Variants in SMARCC2 observed in about 807,000 individuals in gnomAD.
The protein encoded by SMARCC2 is SWI/SNF related BAF chromatin remodeling complex subunit C2.
SMARCC2 carries 15 observed loss-of-function variants against 151.3 expected under a neutral mutation model. The observed-to-expected ratio is 0.10, with a 90% CI of 0.07 to 0.15. SMARCC2 has a LOEUF of 0.15. Among genes scored for constraint, SMARCC2 ranks in the 10% least tolerant of loss-of-function variants. SMARCC2 has a pLI of 1.00. For synonymous variants in SMARCC2, 590 were observed against 609.5 expected (o/e 0.97, Z 0.47); for missense variants, 1,031 against 1,599.7 (o/e 0.64, Z 6.06).
chr12:56,163,058 C>G lies in SMARCC2; in HGVS notation c.*631G>C, dbSNP rs946530187. ...TTGGCTGAGCTGGGGTGGCCTAAAA[C>G]AGCAACAATGAGGAAGCCGCAGGAG... On this transcript the variant is annotated 3_prime_UTR_variant, in exon 29 of 29. Coordinates refer to ENST00000550164, the MANE Select transcript of SMARCC2 (RefSeq NM_001330288.2). The G allele has an allele frequency of 2.0e-5, 3 of 152,026 alleles. No individual in the cohort carries two copies. The highest frequency in any genetic ancestry group is 7.3e-5 in the African/African-American group (3 of 41,326). The allele number at this position is 152,026 out of a possible 1,614,324, so 9.4% of individuals were successfully genotyped here.
chr12:56,186,913 C>T (rs1003906956), intron 2 of SMARCC2: 6 of 267,836 alleles, frequency 2.2e-5, no homozygotes, highest in Admixed American at 4.8e-5. Context: ...AAATCCAAAT[C>T]TCAAGTCCCC....
Position 56,187,286 on chromosome 12 carries a change from G to A in SMARCC2, c.132C>T (p.Pro44=), listed in dbSNP as rs757880003. 1.2e-6 allele frequency: 2 copies of A among 1,613,358 alleles called. No individual in the cohort carries two copies. Among genetic ancestry groups the A allele is most frequent in the African/African-American group, 1.3e-5 (1 of 74,844 alleles). ...NYKKYIQAEP[P]TNKSLSSLVV... is the part of the protein sequence containing the mutation. ...CCAGGCTAGACAGGGACTTGTTGGTGGGTGGTTCAGCTTGTATATACTAAG... is the reference window on the plus strand; with the variant it reads ...CCAGGCTAGACAGGGACTTGTTGGTAGGTGGTTCAGCTTGTATATACTAAG... The change falls in exon 2 of 29, where the codon CCC becomes CCT. Residue 44 remains proline (P), a synonymous_variant. Coordinates refer to ENST00000550164, the MANE Select transcript of SMARCC2 (RefSeq NM_001330288.2).
Position 56,169,710 on chromosome 12 carries a change from G to A in SMARCC2, c.2549-15C>T, listed in dbSNP as rs779798996. The A allele has an allele frequency of 1.9e-6, 3 of 1,613,936 alleles. No homozygotes were observed. Among genetic ancestry groups the A allele is most frequent in the Non-Finnish European group, 2.5e-6 (3 of 1,180,000 alleles). ...CTCAGGATCGACTGGGCCAGGACAA[G>A]GGTTGAGTTAGCCCCACAGCTTCAC... On this transcript the variant is annotated splice_polypyrimidine_tract_variant and intron_variant, in intron 24 of 28. Transcript: ENST00000550164.
Position 56,171,265 on chromosome 12 carries a change from C to A in SMARCC2, c.2347+6G>T. 6.2e-7 allele frequency: 1 copy of A among 1,614,044 alleles called. No individual in the cohort carries two copies. ...GCAAGAAATCTGGGAACCTGCCTGG[C>A]CTTACCAATCCGCTCAGGCTCATCA... On this transcript the variant is annotated splice_donor_region_variant and intron_variant, in intron 22 of 28. Transcript: ENST00000550164. This position sits in a 1 kb window ranked among gnomAD's most constrained non-coding sequence, Gnocchi z 4.2.
At chr12:56,177,224 G>A (rs1382048685) in intron 15 of SMARCC2, among the ~76,000 whole-genome samples, 1 of 151,986 alleles carries the variant, frequency 6.6e-6, no homozygotes, top group African/African-American at 2.4e-5. Flanking sequence ...GATTACAGGC[G>A]TGAGCCACCA....
At chr12:56,175,506 T>A (rs754999250) in intron 15 of SMARCC2, among the ~76,000 whole-genome samples, 2 of 152,218 alleles carry the variant, frequency 1.3e-5, no homozygotes, top group Non-Finnish European at 2.9e-5. Context: ...TACTTCGAAT[T>A]TTTAAACCTC....
Position 56,167,996 on chromosome 12 carries a change from A to G in SMARCC2, c.2850+64T>C, listed in dbSNP as rs1365515307. ...CACACACACACACACACACACACAC[A>G]CACGCCCCTCCGATTTTAAACTGAG... On this transcript the variant is annotated intron_variant, in intron 26 of 28. Coordinates refer to ENST00000550164, the MANE Select transcript of SMARCC2 (RefSeq NM_001330288.2). 19 of 1,364,988 alleles carry G rather than the reference A, an allele frequency of 1.4e-5. No individual in the cohort carries two copies. The East Asian group carries it at 4.4e-4, about 31-fold the overall frequency. 84.6% of individuals were successfully genotyped at this position (1,364,988 alleles called of 1,614,324 possible).
chr12:56,163,658 G>A lies in SMARCC2; in HGVS notation c.*31C>T, dbSNP rs768705341. 7.4e-7 allele frequency: 1 copy of A among 1,351,240 alleles called. No homozygotes were observed. The highest frequency in any genetic ancestry group is 1.4e-5 in the South Asian group (1 of 69,626). The allele number at this position is 1,351,240 out of a possible 1,614,324, so 83.7% of individuals were successfully genotyped here. A position where few individuals can be genotyped will look rare whatever the true frequency, so the allele number is the denominator to read the frequency against. ...TTCCTGGAACCGTGATGTCCACAGG[G>A]GGTGAGGGGGAGAGATGTCTGGCTG... On this transcript the variant is annotated 3_prime_UTR_variant, in exon 29 of 29. Transcript: ENST00000550164.
intron 23 of SMARCC2, 59 bp downstream of exon 23, chr12:56,170,085 C>G: frequency 6.5e-7 from 1 of 1,529,260 alleles, no homozygotes; most frequent in Non-Finnish European, 9.1e-7. Flanking sequence ...ACAAGGCCAA[C>G]TTCCCCATCA....
At chr12:56,170,494 T>A (rs747898181) in intron 22 of SMARCC2, among the ~76,000 whole-genome samples, 1 of 152,062 alleles carries the variant, frequency 6.6e-6, no homozygotes, top group Non-Finnish European at 1.5e-5. Flanking sequence ...AGCACAATCA[T>A]GGCTCACTGC....
chr12:56,173,939 C>T, intron 16 of SMARCC2, 90 bp from the exon 17 acceptor site: 1 of 1,230,844 alleles, frequency 8.1e-7, no homozygotes, highest in Non-Finnish European at 1.1e-6. Flanking sequence ...GGGGCATAAA[C>T]CCCCTCCCCA....
At position 56,172,033 on chromosome 12, in the gene SMARCC2, T is replaced by C; in HGVS notation, c.1927-96A>G. On this transcript the variant is annotated intron_variant, in intron 20 of 28. Transcript: ENST00000550164. The stretch of plus-strand genomic sequence containing the variant: ...TACTAAGGGCAGCTGGTTTCAAAGT[T>C]CTCTATGTTCTGGTATTTGTGTACT... The C allele has an allele frequency of 2.7e-6, 3 of 1,125,244 alleles. No homozygotes were observed. The South Asian group carries it at 4.6e-5, about 17-fold the overall frequency. 69.7% of individuals were successfully genotyped at this position (1,125,244 alleles called of 1,614,324 possible).
chr12:56,172,997 C>T lies in SMARCC2; in HGVS notation c.1683G>A (p.Gly561=), dbSNP rs749470349. The stretch of plus-strand genomic sequence containing the variant: ...GGTCATCCAGCTCTTTGCCCTTTCG[C>T]CCAGCCTTGGTATCAGCATCAACCT... ...GRQVDADTKA[G]RKGKELDDLV... is the part of the protein sequence containing the mutation. Residue 561 remains glycine, a synonymous_variant, in exon 18 of 29, where the codon GGG becomes GGA. Transcript: ENST00000550164. 6.2e-7 allele frequency: 1 copy of T among 1,614,102 alleles called. No homozygotes were observed. Among genetic ancestry groups the T allele is most frequent in the East Asian group, 2.2e-5 (1 of 44,882 alleles).
intron 3 of SMARCC2, 159 bp downstream of exon 3, chr12:56,185,994 GCT>G (rs1877161670): frequency 1.6e-6 from 1 of 627,902 alleles, no homozygotes; most frequent in African/African-American, 1.8e-5. Flanking sequence ...GACTGTTTTG[GCT>G]CTGACTCCCA....
chr12:56,165,310 A>G lies in SMARCC2; in HGVS notation c.3232+8T>C. 3.4e-6 allele frequency: 5 copies of G among 1,487,630 alleles called. No individual in the cohort carries two copies. Among genetic ancestry groups the G allele is most frequent in the Non-Finnish European group, 4.5e-6 (5 of 1,123,244 alleles). 92.2% of individuals were successfully genotyped at this position (1,487,630 alleles called of 1,614,324 possible). A position where few individuals can be genotyped will look rare whatever the true frequency, so the allele number is the denominator to read the frequency against. On this transcript the variant is annotated splice_region_variant and intron_variant, in intron 27 of 28. Transcript: ENST00000550164. The stretch of plus-strand genomic sequence containing the variant: ...TAGCCAACAAAAGTTCTGGAACATA[A>G]CACTTACCATGGGGTCCAGGGGGGG...
In SMARCC2 at chr12:56,188,925, C is replaced by A. The variant is rs1877804549; in HGVS notation, c.111+426G>T. On this transcript the variant is annotated intron_variant, in intron 1 of 28. Transcript: ENST00000550164. ...CTCTCTCTGAACATACACAAAGCAC[C>A]GGAGAGGCCTCAGCCCCGCTGGTAC... is the stretch of plus-strand genomic sequence containing the variant. Among the ~76,000 whole-genome samples the A allele has an allele frequency of 3.3e-5, 5 of 152,138 alleles. No homozygotes were observed. The South Asian group carries it at 1.0e-3, about 32-fold the overall frequency.
Position 56,184,716 on chromosome 12 carries a change from C to T in SMARCC2, c.492+128G>A, listed in dbSNP as rs1166339423. On this transcript the variant is annotated intron_variant, in intron 5 of 28. Transcript: ENST00000550164. ...ACAGACTCAAGGCTTTAACTCAAGT[C>T]TTTTTCCAAGTAGACAGAGCCACCT... The T allele has an allele frequency of 6.3e-6, 4 of 637,904 alleles. No individual in the cohort carries two copies. In the African/African-American group the frequency reaches 7.4e-5, roughly 12 times the overall value. The allele number at this position is 637,904 out of a possible 1,614,324, so 39.5% of individuals were successfully genotyped here. A position where few individuals can be genotyped will look rare whatever the true frequency, so the allele number is the denominator to read the frequency against.
At chr12:56,170,737 T>A (rs866185162) in intron 22 of SMARCC2, among the ~76,000 whole-genome samples, 1 of 143,174 alleles carries the variant, frequency 7.0e-6, no homozygotes, top group African/African-American at 2.6e-5. Context: ...TTTTTTTTTT[T>A]TTTTTTTTTT....
chr12:56,178,502 T>G lies in SMARCC2; in HGVS notation c.1212A>C (p.Gly404=), dbSNP rs377648106. 4 of 1,614,194 alleles carry G rather than the reference T, an allele frequency of 2.5e-6. No homozygotes were observed. Among genetic ancestry groups the G allele is most frequent in the Non-Finnish European group, 3.4e-6 (4 of 1,180,006 alleles). ...GCAGGTCTGGATTCTTGGTCTGCTC[T>G]CCCTTGTTCCCCGTACTGTTCTCAT... ...DEDENSTGNK[G]EQTKNPDLHE... The change falls in exon 14 of 29, where the codon GGA becomes GGC. Residue 404 remains glycine (G), a synonymous_variant. Transcript: ENST00000550164.
Sources: allele counts gnomAD v4.1 joint callset (sites outside exome capture counted in the v4.1 genomes callset), GRCh38; gene constraint gnomAD v4.1.1; non-coding constraint Gnocchi (gnomAD v3.1); transcripts MANE v1.5; gene names NCBI Gene and HGNC (gene_info 2026-07-23, HGNC 2026-07-21).